SMARCA5: variants seen among roughly 807,000 people sequenced by gnomAD.
The protein encoded by SMARCA5 is SWI/SNF-related matrix-associated actin-dependent regulator of chromatin subfamily A member 5.
In SMARCA5, 18 loss-of-function variants were observed where a neutral mutation model predicts 140.4. The observed-to-expected ratio is 0.13, with a 90% CI of 0.09 to 0.19. The LOEUF (loss-of-function observed/expected upper bound fraction) is 0.19, where lower values mean the gene tolerates loss of function less well. SMARCA5 is among the 10% of genes least tolerant of loss of function. The pLI is 1.00. For synonymous variants in SMARCA5, 449 were observed against 419.6 expected (o/e 1.07, Z -0.86); for missense variants, 606 against 1,276.8 (o/e 0.47, Z 8.01).
intron 9 of SMARCA5, among the ~76,000 whole-genome samples, chr4:143,534,155 TG>T (rs1469558047): frequency 3.9e-5 from 6 of 152,186 alleles, no homozygotes; most frequent in Admixed American, 6.5e-5. Flanking sequence ...GTGTGTACGT[TG>T]TTTTTTTTTT....
intron 15 of SMARCA5, 69 bp from the exon 16 acceptor site, chr4:143,543,779 GTTAAT>G: frequency 6.5e-7 from 1 of 1,541,404 alleles, no homozygotes; most frequent in East Asian, 2.3e-5. Flanking sequence ...TGTACGTGAA[GTTAAT>G]TTATTTTGAC....
rs999860410 is a variant in SMARCA5, at chr4:143,513,989, C to G, written c.65C>G (p.Ala22Gly). Residue 22 changes from alanine to glycine, a missense_variant, in exon 1 of 24, where the codon GCC becomes GGC. Coordinates refer to ENST00000283131, the MANE Select transcript of SMARCA5 (RefSeq NM_003601.4). ...GAGAGCGCGCCTTCCAAGCCCGCAGCCTCGATCGCCAGCGGCGGGAGCAAC... is the reference window on the plus strand; with the variant it reads ...GAGAGCGCGCCTTCCAAGCCCGCAGGCTCGATCGCCAGCGGCGGGAGCAAC... Reference protein sequence around the residue: ...PPESAPSKPAASIASGGSNSS... With the variant: ...PPESAPSKPAGSIASGGSNSS... The G allele has an allele frequency of 3.2e-6, 5 of 1,563,666 alleles. No individual in the cohort carries two copies. The highest frequency in any genetic ancestry group is 2.3e-5 in the South Asian group (2 of 86,806).
chr4:143,534,715 C>T, intron 9 of SMARCA5, 140 bp from the exon 10 acceptor site: 1 of 580,644 alleles, frequency 1.7e-6, no homozygotes, highest in Non-Finnish European at 2.9e-6. Context: ...ACTGTATTTG[C>T]AGGGAGAAGT....
Position 143,513,920 on chromosome 4 carries a change from A to T in SMARCA5, c.-5A>T, listed in dbSNP as rs776403445. 1.3e-6 allele frequency: 2 copies of T among 1,541,746 alleles called. No homozygotes were observed. The highest frequency in any genetic ancestry group is 1.4e-5 in the African/African-American group (1 of 72,848). ...GGCAGCAGCGGGTGACGCAGACGGA[A>T]CATCATGTCGTCCGCGGCCGAGCCT... On this transcript the variant is annotated 5_prime_UTR_variant, in exon 1 of 24. Coordinates refer to ENST00000283131, the MANE Select transcript of SMARCA5 (RefSeq NM_003601.4).
chr4:143,541,762 A>T (rs1737429954), intron 14 of SMARCA5, among the ~76,000 whole-genome samples: 1 of 152,106 alleles, frequency 6.6e-6, no homozygotes. Context: ...CTCATGGGTG[A>T]TATAATGGCT....
At position 143,555,356 on chromosome 4, in the gene SMARCA5, C is replaced by T; in HGVS notation, c.*2172C>T. 1.4e-6 allele frequency: 1 copy of T among 710,584 alleles called. No homozygotes were observed. The highest frequency in any genetic ancestry group is 2.6e-6 in the Non-Finnish European group (1 of 384,106). The allele number at this position is 710,584 out of a possible 1,614,324, so 44.0% of individuals were successfully genotyped here. ...AAATCTATTATAGCAATCCCCACTG[C>T]CACCATATCCATCACCACCACCATG... On this transcript the variant is annotated 3_prime_UTR_variant, in exon 24 of 24. Transcript: ENST00000283131.
In SMARCA5 at chr4:143,513,965, A is replaced by C; in HGVS notation, c.41A>C (p.Glu14Ala). 1 of 1,555,780 alleles carries C rather than the reference A, an allele frequency of 6.4e-7. No individual in the cohort carries two copies. Among genetic ancestry groups the C allele is most frequent in the East Asian group, 2.4e-5 (1 of 42,030 alleles). The change falls in exon 1 of 24, where the codon GAG becomes GCG. Residue 14 changes from glutamate (E) to alanine (A), a missense_variant. Physicochemically the swap from Glu to Ala is moderately radical, Grantham distance 107. Around this residue, in one of 10 missense-constraint regions of SMARCA5, gnomAD observed 164 missense variants for 128.4 expected, o/e 1.28. Transcript: ENST00000283131. ...GAGCCTCCGCCACCCCCGCCTCCCG[A>C]GAGCGCGCCTTCCAAGCCCGCAGCC... is the stretch of plus-strand genomic sequence containing the variant. ...AAEPPPPPPPESAPSKPAASI... is the reference protein window; with the variant it reads ...AAEPPPPPPPASAPSKPAASI...
In SMARCA5 at chr4:143,543,978, T is replaced by G. The variant is rs545189826; in HGVS notation, c.2172+6T>G. 1.0e-5 allele frequency: 16 copies of G among 1,548,586 alleles called. No individual in the cohort carries two copies. The highest frequency in any genetic ancestry group is 1.4e-5 in the Non-Finnish European group (16 of 1,148,384). On this transcript the variant is annotated splice_donor_region_variant and intron_variant, in intron 16 of 23. Coordinates refer to ENST00000283131, the MANE Select transcript of SMARCA5 (RefSeq NM_003601.4). ...ACTATAGAGAAAAACAAAAGGTAATTTAGAAATAGGTTTGGGTTACATGAA... is the reference window on the plus strand; with the variant it reads ...ACTATAGAGAAAAACAAAAGGTAATGTAGAAATAGGTTTGGGTTACATGAA...
At position 143,532,005 on chromosome 4, in the gene SMARCA5, A is replaced by G. The variant is rs79786003; in HGVS notation, c.1158+1479A>G. 5.6e-3 allele frequency among the ~76,000 whole-genome samples: 853 copies of G among 152,320 alleles called. 14 individuals are homozygous for G. The highest frequency in any genetic ancestry group is 0.02 in the African/African-American group (817 of 41,558). On this transcript the variant is annotated intron_variant, in intron 9 of 23. Transcript: ENST00000283131. Reference sequence around the variant, plus strand: ...TTGAGATGATTCACAAGTGTTTTCCATACTGGATTGTAAGCACAAAGGCAG... The same window carrying G: ...TTGAGATGATTCACAAGTGTTTTCCGTACTGGATTGTAAGCACAAAGGCAG...
chr4:143,514,625 T>G (rs1736786041), intron 1 of SMARCA5: 1 of 152,616 alleles, frequency 6.6e-6, no homozygotes, highest in Admixed American at 6.5e-5. Context: ...GCAGAAACAA[T>G]GGCGAGAGCT....
chr4:143,521,305 G>A, intron 2 of SMARCA5, 124 bp from the exon 3 acceptor site: 1 of 626,650 alleles, frequency 1.6e-6, no homozygotes. Context: ...CATCCATGTT[G>A]CATTTATCTG....
chr4:143,544,582 C>G (rs1737486253), intron 16 of SMARCA5, among the ~76,000 whole-genome samples, 155 bp from the exon 17 acceptor site: 1 of 152,130 alleles, frequency 6.6e-6, no homozygotes, highest in South Asian at 2.1e-4. Context: ...TAATTATATA[C>G]ATAATATTGA....
intron 2 of SMARCA5, among the ~76,000 whole-genome samples, chr4:143,518,606 G>C (rs1420617942): frequency 6.6e-6 from 1 of 151,792 alleles, no homozygotes; most frequent in Non-Finnish European, 1.5e-5. Context: ...GTCTTAAATA[G>C]CTTCAAAATC....
chr4:143,553,289 ACATCAGGTTCAT>A lies in SMARCA5; in HGVS notation c.*107_*118del. 5.1e-6 allele frequency: 4 copies of A among 780,880 alleles called. No individual in the cohort carries two copies. In the South Asian group the frequency reaches 6.4e-5, roughly 12 times the overall value. The allele number at this position is 780,880 out of a possible 1,614,324, so 48.4% of individuals were successfully genotyped here. A position where few individuals can be genotyped will look rare whatever the true frequency, so the allele number is the denominator to read the frequency against. On this transcript the variant is annotated 3_prime_UTR_variant, in exon 24 of 24. Transcript: ENST00000283131. Reference sequence around the variant, plus strand: ...TGCTCAATTGTTATGTCATTTAAAGACATCAGGTTCATCTGTTTACTGAGCTAGAAACATAGT... The same window carrying A: ...TGCTCAATTGTTATGTCATTTAAAGACTGTTTACTGAGCTAGAAACATAGT...
Position 143,544,979 on chromosome 4 carries a change from A to G in SMARCA5, c.2283+132A>G, listed in dbSNP as rs182380116. On this transcript the variant is annotated intron_variant, in intron 17 of 23. Transcript: ENST00000283131. ...TTTTTTTTTTTTGAGACAGAGTCTC[A>G]CTCTGTTACCAGGAGTTCAGTGGTG... The G allele has an allele frequency of 2.7e-3, 1,430 of 538,906 alleles. 27 individuals carry two copies. In the African/African-American group the frequency reaches 0.028, roughly 11 times the overall value. 33.4% of individuals were successfully genotyped at this position (538,906 alleles called of 1,614,324 possible).
rs1235642066 is a variant in SMARCA5 at position 143,534,980 on chromosome 4, T to G, written c.1268+16T>G. ...AAAGGGAATGGTATGTATTCTCAGATGTACTTGATAGCACTATTGATTCTT... is the reference window on the plus strand; with the variant it reads ...AAAGGGAATGGTATGTATTCTCAGAGGTACTTGATAGCACTATTGATTCTT... On this transcript the variant is annotated intron_variant, in intron 10 of 23. Transcript: ENST00000283131. 1 of 1,489,564 alleles carries G rather than the reference T, an allele frequency of 6.7e-7. No homozygotes were observed. The highest frequency in any genetic ancestry group is 1.8e-5 in the Admixed American group (1 of 55,990). The allele number at this position is 1,489,564 out of a possible 1,614,324, so 92.3% of individuals were successfully genotyped here. A position where few individuals can be genotyped will look rare whatever the true frequency, so the allele number is the denominator to read the frequency against.
chr4:143,532,448 A>G lies in SMARCA5; in HGVS notation c.1158+1922A>G, dbSNP rs199587713. Reference sequence around the variant, plus strand: ...TTCAGCAGTATCAACCAGATTTGGTAACTCTGTTTTGTTCACAGGGTATTT... The same window carrying G: ...TTCAGCAGTATCAACCAGATTTGGTGACTCTGTTTTGTTCACAGGGTATTT... On this transcript the variant is annotated intron_variant, in intron 9 of 23. Coordinates refer to ENST00000283131, the MANE Select transcript of SMARCA5 (RefSeq NM_003601.4). Among the ~76,000 whole-genome samples the G allele has an allele frequency of 3.5e-4, 53 of 152,312 alleles. No individual in the cohort carries two copies. The East Asian group carries it at 0.01, about 29-fold the overall frequency.
intron 9 of SMARCA5, among the ~76,000 whole-genome samples, chr4:143,530,908 A>G (rs1199904943): frequency 1.3e-5 from 2 of 152,188 alleles, no homozygotes; most frequent in African/African-American, 2.4e-5. Flanking sequence ...TCTGCCTCCC[A>G]GGCTCAAGCA....
intron 16 of SMARCA5, chr4:143,544,451 A>G (rs1737484383): frequency 8.5e-6 from 2 of 235,556 alleles, no homozygotes; most frequent in Admixed American, 5.4e-5. Flanking sequence ...ATGTGTCTAC[A>G]TTTTTCTCCT....
Sources: gnomAD v4.1 joint callset for allele counts (sites outside exome capture counted in the v4.1 genomes callset) on GRCh38, gnomAD v4.1.1 for gene constraint, gnomAD v4.1.1 regional missense constraint, MANE v1.5 for transcripts, NCBI Gene and HGNC (gene_info 2026-07-23, HGNC 2026-07-21) for gene names.